The following EPC2 variants were observed in gnomAD, a reference collection of about 807,000 sequenced individuals.
EPC2 encodes enhancer of polycomb homolog 2.
In EPC2, 14 loss-of-function variants were observed where a neutral mutation model predicts 92.1. That is an observed-to-expected ratio of 0.15 (90% CI 0.10 to 0.24). The LOEUF (loss-of-function observed/expected upper bound fraction) is 0.24. Among genes scored for constraint, EPC2 ranks in the 10% least tolerant of loss-of-function variants. EPC2 has a pLI of 1.00. For missense variants in EPC2, 755 were observed against 971.5 expected (o/e 0.78, Z 2.96); for synonymous variants, 340 against 334.7 (o/e 1.02, Z -0.17).
rs1276757698 is a variant in EPC2, at chr2:148,786,497, T to C, written c.*120T>C. ...AACAATGGACCTAAATGGACTATAG[T>C]ATATTGGATGTTAAATCCATATATG... On this transcript the variant is annotated 3_prime_UTR_variant, in exon 14 of 14. Coordinates refer to ENST00000258484, the MANE Select transcript of EPC2 (RefSeq NM_015630.4). 1 of 691,140 alleles carries C rather than the reference T, an allele frequency of 1.4e-6. No individual in the cohort carries two copies. Among genetic ancestry groups the C allele is most frequent in the South Asian group, 2.1e-5 (1 of 47,488 alleles). 42.8% of individuals were successfully genotyped at this position (691,140 alleles called of 1,614,324 possible).
At position 148,689,317 on chromosome 2, in the gene EPC2, G is replaced by C. The variant is rs557289924; in HGVS notation, c.154-897G>C. 2.5e-3 allele frequency among the ~76,000 whole-genome samples: 386 copies of C among 151,518 alleles called. 2 individuals are homozygous for C. Among genetic ancestry groups the C allele is most frequent in the Non-Finnish European group, 3.0e-3 (205 of 67,680 alleles). ...TCAGCCTCCTGAGTAGCTGGGACTA[G>C]AGGCACCCGCCACTACGCCCGGCTA... On this transcript the variant is annotated intron_variant, in intron 1 of 13. Transcript: ENST00000258484.
chr2:148,765,228 G>GT, intron 7 of EPC2, 82 bp downstream of exon 7: 1 of 1,028,886 alleles, frequency 9.7e-7, no homozygotes, highest in East Asian at 2.8e-5. Flanking sequence ...CTATCTTAGA[G>GT]TTTTTATTCT....
intron 2 of EPC2, among the ~76,000 whole-genome samples, chr2:148,703,385 G>A (rs1681926735): frequency 6.6e-6 from 1 of 152,048 alleles, no homozygotes; most frequent in African/African-American, 2.4e-5. Flanking sequence ...CCTTGGGATG[G>A]TGAAGTCAGT....
intron 10 of EPC2, among the ~76,000 whole-genome samples, chr2:148,772,670 G>T (rs1683550131): frequency 6.6e-6 from 1 of 152,170 alleles, no homozygotes; most frequent in African/African-American, 2.4e-5. Flanking sequence ...ACAAACTTAA[G>T]TAAGGAAAAT....
intron 10 of EPC2, among the ~76,000 whole-genome samples, chr2:148,772,464 T>C (rs1307262299): frequency 3.3e-5 from 5 of 152,216 alleles, no homozygotes; most frequent in Admixed American, 6.5e-5. Flanking sequence ...TAAACTTCTT[T>C]AAAGTGATCA....
chr2:148,779,010 C>G (rs1683700918), intron 10 of EPC2, among the ~76,000 whole-genome samples: 1 of 152,188 alleles, frequency 6.6e-6, no homozygotes, highest in Non-Finnish European at 1.5e-5. Context: ...TTAAGAAACA[C>G]TGACCATTAA....
chr2:148,749,170 T>C (rs1683041101), intron 3 of EPC2, among the ~76,000 whole-genome samples: 1 of 152,154 alleles, frequency 6.6e-6, no homozygotes, highest in South Asian at 2.1e-4. Context: ...GCTACATGTT[T>C]ACTAAGACTG....
intron 1 of EPC2, among the ~76,000 whole-genome samples, chr2:148,658,777 TACTA>T (rs1252266462): frequency 6.6e-6 from 1 of 151,778 alleles, no homozygotes; most frequent in Non-Finnish European, 1.5e-5. Context: ...ATATATTACT[TACTA>T]CTTATGCAAT....
intron 3 of EPC2, among the ~76,000 whole-genome samples, 176 bp downstream of exon 3, chr2:148,743,943 A>G (rs1682933070): frequency 6.6e-6 from 1 of 152,116 alleles, no homozygotes; most frequent in Admixed American, 6.5e-5. Context: ...TTTGAATAAG[A>G]GTATGAAGAG....
At chr2:148,656,063 AG>A (rs1470096189) in intron 1 of EPC2, among the ~76,000 whole-genome samples, 1 of 144,796 alleles carries the variant, frequency 6.9e-6, no homozygotes, top group Non-Finnish European at 1.5e-5. Context: ...TTCTAGACAA[AG>A]GCTTTTTTAC....
intron 2 of EPC2, among the ~76,000 whole-genome samples, chr2:148,723,647 A>G (rs192119664): frequency 2.4e-4 from 37 of 152,270 alleles, no homozygotes; most frequent in Admixed American, 2.0e-3. Context: ...GGCAACTTCT[A>G]AGTTTCTTCT....
intron 2 of EPC2, chr2:148,692,303 A>G (rs1207596612): frequency 6.4e-6 from 1 of 156,156 alleles, no homozygotes; most frequent in African/African-American, 2.4e-5. Flanking sequence ...AGGACTCACC[A>G]TACTTTATTG....
intron 1 of EPC2, among the ~76,000 whole-genome samples, chr2:148,674,895 CCT>C (rs1681232437): frequency 1.3e-5 from 2 of 152,134 alleles, no homozygotes; most frequent in African/African-American, 4.8e-5. Flanking sequence ...GCTTACTCAT[CCT>C]CCATCTTGCT....
chr2:148,691,558 A>G (rs1240939076), intron 2 of EPC2: 2 of 1,550,422 alleles, frequency 1.3e-6, no homozygotes, highest in African/African-American at 2.7e-5. Flanking sequence ...TGCATCTTAA[A>G]TTGCTGTTGT....
At chr2:148,769,651 A>T (rs570763316) in intron 8 of EPC2, among the ~76,000 whole-genome samples, 138 of 152,190 alleles carry the variant, frequency 9.1e-4, no homozygotes, top group Non-Finnish European at 1.6e-3. Context: ...AGTATCAAAC[A>T]AAATAATAAT....
At chr2:148,707,675 GA>G (rs1208284359) in intron 2 of EPC2, among the ~76,000 whole-genome samples, 1 of 152,098 alleles carries the variant, frequency 6.6e-6, no homozygotes, top group African/African-American at 2.4e-5. Context: ...AATCAAATTA[GA>G]ACTCAGGATT....
intron 4 of EPC2, among the ~76,000 whole-genome samples, chr2:148,757,851 A>T (rs1157072148): frequency 6.6e-6 from 1 of 151,936 alleles, no homozygotes; most frequent in Non-Finnish European, 1.5e-5. Flanking sequence ...TAATAAAATA[A>T]AATATATAAA....
At chr2:148,703,937 C>G (rs1217519736) in intron 2 of EPC2, among the ~76,000 whole-genome samples, 1 of 152,150 alleles carries the variant, frequency 6.6e-6, no homozygotes, top group Non-Finnish European at 1.5e-5. Flanking sequence ...TGAATTGGAA[C>G]TCTTGTGGAC....
At chr2:148,682,477 T>C (rs1248615039) in intron 1 of EPC2, among the ~76,000 whole-genome samples, 1 of 152,236 alleles carries the variant, frequency 6.6e-6, no homozygotes, top group African/African-American at 2.4e-5. Context: ...CTGGGGTGCA[T>C]TGAGTGCACA....
Sources: gnomAD v4.1 joint callset for allele counts (sites outside exome capture counted in the v4.1 genomes callset) on GRCh38, gnomAD v4.1.1 for gene constraint, MANE v1.5 for transcripts, NCBI Gene and HGNC (gene_info 2026-07-23, HGNC 2026-07-21) for gene names.